The following LDHAL6A variants were observed in gnomAD, a reference collection of about 807,000 sequenced individuals.
The protein encoded by LDHAL6A is L-lactate dehydrogenase A-like 6A.
A neutral mutation model predicts 28.2 loss-of-function variants in LDHAL6A; 19 were observed. That is an observed-to-expected ratio of 0.67 (90% CI 0.47 to 0.99). The LOEUF is 0.99. LDHAL6A is among the 50% of genes least tolerant of loss of function. The pLI is 0.00. For missense variants in LDHAL6A, 372 were observed against 398.6 expected (o/e 0.93, Z 0.57); for synonymous variants, 144 against 134.4 (o/e 1.07, Z -0.49).
chr11:18,468,008 TATATAC>T lies in LDHAL6A; in HGVS notation c.418+2204_418+2209del, dbSNP rs1489739593. On this transcript the variant is annotated intron_variant, in intron 3 of 6. Transcript: ENST00000280706. ...ATATATATGCATATATATACGTATATATATACATATATATACGTATATATATATACA... is the reference window on the plus strand; with the variant it reads ...ATATATATGCATATATATACGTATATATATATATACGTATATATATATACA... 3.4e-4 allele frequency among the ~76,000 whole-genome samples: 24 copies of T among 69,778 alleles called. 3 individuals are homozygous for T. Among genetic ancestry groups the T allele is most frequent in the East Asian group, 2.8e-3 (4 of 1,412 alleles). The allele number at this position is 69,778 out of a possible 152,430, so 45.8% of individuals were successfully genotyped here. A position where few individuals can be genotyped will look rare whatever the true frequency, so the allele number is the denominator to read the frequency against.
In LDHAL6A at chr11:18,456,406, C is replaced by T; in HGVS notation, c.-275C>T. 1 of 331,128 alleles carries T rather than the reference C, an allele frequency of 3.0e-6. No individual in the cohort carries two copies. The allele number at this position is 331,128 out of a possible 1,614,324, so 20.5% of individuals were successfully genotyped here. ...TTGGTGGAGCAACCCCTGTTCCTTTCCTCTCTCTCTCTCTTAATTCCTCTT... is the reference window on the plus strand; with the variant it reads ...TTGGTGGAGCAACCCCTGTTCCTTTTCTCTCTCTCTCTCTTAATTCCTCTT... On this transcript the variant is annotated 5_prime_UTR_variant, in exon 1 of 7. Coordinates refer to ENST00000280706, the MANE Select transcript of LDHAL6A (RefSeq NM_144972.5).
Position 18,478,996 on chromosome 11 carries a change from G to A in LDHAL6A, c.*126G>A. The A allele has an allele frequency of 1.3e-6, 1 of 775,824 alleles. No individual in the cohort carries two copies. The allele number at this position is 775,824 out of a possible 1,614,324, so 48.1% of individuals were successfully genotyped here. A position where few individuals can be genotyped will look rare whatever the true frequency, so the allele number is the denominator to read the frequency against. ...AATAGAGGAAAGAGTGACCTATTTA[G>A]TATAGCCTTCCAGCTTTTTTTTTTT... On this transcript the variant is annotated 3_prime_UTR_variant, in exon 7 of 7. Coordinates refer to ENST00000280706, the MANE Select transcript of LDHAL6A (RefSeq NM_144972.5).
intron 1 of LDHAL6A, among the ~76,000 whole-genome samples, chr11:18,462,561 T>C (rs1034122827): frequency 2.3e-4 from 34 of 147,476 alleles, no homozygotes; most frequent in Admixed American, 1.4e-3. Context: ...GGCGTGAACC[T>C]GGGAGGCGGA....
rs548250695 is a variant in LDHAL6A at position 18,477,846 on chromosome 11, CCT to C, written c.834+108_834+109del. 4.3e-4 allele frequency: 443 copies of C among 1,029,870 alleles called. 3 individuals are homozygous for C. The African/African-American group carries it at 6.6e-3, about 15-fold the overall frequency. The allele number at this position is 1,029,870 out of a possible 1,614,324, so 63.8% of individuals were successfully genotyped here. A position where few individuals can be genotyped will look rare whatever the true frequency, so the allele number is the denominator to read the frequency against. On this transcript the variant is annotated intron_variant, in intron 6 of 6. Coordinates refer to ENST00000280706, the MANE Select transcript of LDHAL6A (RefSeq NM_144972.5). Reference sequence around the variant, plus strand: ...TTTGGGTTTGATCTCGTGGGAAGCACCTCTCTTCCTGAAGTCTGTTCTTTGCT... The same window carrying C: ...TTTGGGTTTGATCTCGTGGGAAGCACCTCTTCCTGAAGTCTGTTCTTTGCT...
At chr11:18,465,167 C>G (rs1485033008) in intron 2 of LDHAL6A, among the ~76,000 whole-genome samples, 2 of 151,798 alleles carry the variant, frequency 1.3e-5, no homozygotes, top group African/African-American at 4.8e-5. Flanking sequence ...GAGTCTCGCT[C>G]TGTCACCCAG....
At chr11:18,465,840 T>G in intron 3 of LDHAL6A, 30 bp downstream of exon 3, 1 of 1,575,868 alleles carries the variant, frequency 6.3e-7, no homozygotes, top group South Asian at 1.1e-5. Context: ...ATTTTCAACT[T>G]TTAGATTCGG....
rs181154074 is a variant in LDHAL6A, at chr11:18,467,316, T to C, written c.418+1506T>C. ...CATCAATTCTAGAGAACAGGAATTATTCAAAGTGGTCCAGCTTCTGTCCCT... is the reference window on the plus strand; with the variant it reads ...CATCAATTCTAGAGAACAGGAATTACTCAAAGTGGTCCAGCTTCTGTCCCT... On this transcript the variant is annotated intron_variant, in intron 3 of 6. Transcript: ENST00000280706. Among the ~76,000 whole-genome samples the C allele has an allele frequency of 4.3e-4, 65 of 152,324 alleles. 1 individual carries two copies. The highest frequency in any genetic ancestry group is 3.4e-3 in the Middle Eastern group (1 of 294).
At chr11:18,463,903 C>A in intron 1 of LDHAL6A, 58 bp from the exon 2 acceptor site, 2 of 1,084,706 alleles carry the variant, frequency 1.8e-6, no homozygotes, top group Non-Finnish European at 2.8e-6. Flanking sequence ...AATTTTCTTT[C>A]ATTCTCCAGT....
intron 3 of LDHAL6A, among the ~76,000 whole-genome samples, chr11:18,467,223 TA>T (rs1849097856): frequency 6.6e-6 from 1 of 152,250 alleles, no homozygotes; most frequent in Admixed American, 6.5e-5. Context: ...TTATTCATTT[TA>T]ATTTCGATGC....
chr11:18,462,616 A>C (rs568393915), intron 1 of LDHAL6A, among the ~76,000 whole-genome samples: 1 of 145,838 alleles, frequency 6.9e-6, no homozygotes, highest in Non-Finnish European at 1.5e-5. Context: ...CAGCCTGGGC[A>C]ACAGAGCAAG....
chr11:18,462,569 G>A (rs376908146), intron 1 of LDHAL6A, among the ~76,000 whole-genome samples: 8 of 150,418 alleles, frequency 5.3e-5, no homozygotes, highest in African/African-American at 1.5e-4. Context: ...CCTGGGAGGC[G>A]GAGCTTGCAG....
At chr11:18,469,888 A>G (rs1025768531) in intron 3 of LDHAL6A, among the ~76,000 whole-genome samples, 1 of 152,234 alleles carries the variant, frequency 6.6e-6, no homozygotes, top group Non-Finnish European at 1.5e-5. Context: ...GCTACCAAAA[A>G]TTGATACCAC....
chr11:18,456,452 C>A lies in LDHAL6A; in HGVS notation c.-229C>A. On this transcript the variant is annotated 5_prime_UTR_variant, in exon 1 of 7. Coordinates refer to ENST00000280706, the MANE Select transcript of LDHAL6A (RefSeq NM_144972.5). Reference sequence around the variant, plus strand: ...CTCTTAACTGTACTCACGCTTCCTTCTCCTTCCCCTGGTCCGCTTCATGGA... The same window carrying A: ...CTCTTAACTGTACTCACGCTTCCTTATCCTTCCCCTGGTCCGCTTCATGGA... 1 of 511,962 alleles carries A rather than the reference C, an allele frequency of 2.0e-6. No individual in the cohort carries two copies. The highest frequency in any genetic ancestry group is 2.3e-5 in the South Asian group (1 of 43,650). 31.7% of individuals were successfully genotyped at this position (511,962 alleles called of 1,614,324 possible).
intron 3 of LDHAL6A, 95 bp from the exon 4 acceptor site, chr11:18,475,371 C>G: frequency 2.0e-6 from 2 of 1,001,456 alleles, no homozygotes; most frequent in South Asian, 3.2e-5. Flanking sequence ...GCCTCCTCCA[C>G]AAAACATCAG....
At chr11:18,473,032 T>C (rs370595251) in intron 3 of LDHAL6A, among the ~76,000 whole-genome samples, 79 of 152,248 alleles carry the variant, frequency 5.2e-4, no homozygotes, top group Non-Finnish European at 9.7e-4. Context: ...ATTTGTGAAA[T>C]ATTGTCCTAC....
At chr11:18,475,386 A>G in intron 3 of LDHAL6A, 80 bp from the exon 4 acceptor site, 3 of 1,114,036 alleles carry the variant, frequency 2.7e-6, no homozygotes, top group African/African-American at 1.6e-5. Context: ...CATCAGATTT[A>G]CTAGTTTTAA....
At chr11:18,478,426 G>A (rs1189811518) in intron 6 of LDHAL6A, among the ~76,000 whole-genome samples, 1 of 152,120 alleles carries the variant, frequency 6.6e-6, no homozygotes, top group African/African-American at 2.4e-5. Flanking sequence ...CGGGCGTGGT[G>A]GTGTGTGCCT....
chr11:18,470,214 C>T (rs112648554), intron 3 of LDHAL6A, among the ~76,000 whole-genome samples: 5 of 152,126 alleles, frequency 3.3e-5, no homozygotes, highest in African/African-American at 7.2e-5. Flanking sequence ...CGTGAGCCAC[C>T]GCGTGGCACT....
rs775940645 is a variant in LDHAL6A, at chr11:18,478,784, A to G, written c.913A>G (p.Lys305Glu). 1.2e-6 allele frequency: 2 copies of G among 1,613,912 alleles called. No individual in the cohort carries two copies. The highest frequency in any genetic ancestry group is 1.7e-6 in the Non-Finnish European group (2 of 1,179,870). ...AGAGAATGGTATCACAGACCTCATA[A>G]AAGTAAAACTGACTCTTGAAGAGGA... The part of the protein sequence containing the change: ...LGENGITDLI[K>E]VKLTLEEEAC... Residue 305 changes from lysine (K) to glutamate (E), a missense_variant, in exon 7 of 7, where the codon AAA (lysine) becomes GAA (glutamate). Physicochemically the swap from Lys to Glu is moderately conservative, Grantham distance 56. Coordinates refer to ENST00000280706, the MANE Select transcript of LDHAL6A (RefSeq NM_144972.5).
Sources: allele counts gnomAD v4.1 joint callset (sites outside exome capture counted in the v4.1 genomes callset), GRCh38; gene constraint gnomAD v4.1.1; transcripts MANE v1.5; gene names NCBI Gene and HGNC (gene_info 2026-07-23, HGNC 2026-07-21).